MIPOL1: variants seen among roughly 807,000 people sequenced by gnomAD.
The protein encoded by MIPOL1 is mirror-image polydactyly 1.
Under a neutral mutation model 60.9 loss-of-function variants are expected in MIPOL1, and 57 were observed. The observed-to-expected ratio is 0.94, with a 90% CI of 0.76 to 1.17. The LOEUF is 1.17. Ranked by LOEUF, MIPOL1 falls within the 50% of genes most tolerant of loss-of-function variation. MIPOL1 has a pLI of 0.00. For synonymous variants in MIPOL1, 179 were observed against 168.8 expected, an observed-to-expected ratio of 1.06 and a Z score of -0.47; for missense variants, 551 against 511.6, an observed-to-expected ratio of 1.08 and a Z score of -0.74.
intron 9 of MIPOL1, among the ~76,000 whole-genome samples, chr14:37,333,840 G>A (rs757284490): frequency 2.6e-5 from 4 of 151,976 alleles, no homozygotes; most frequent in East Asian, 1.9e-4. Flanking sequence ...ATTCATTACC[G>A]TTAGAGAAGG....
At chr14:37,501,866 T>C (rs2095220742) in intron 12 of MIPOL1, 3 of 152,246 alleles carry the variant, frequency 2.0e-5, no homozygotes, top group Admixed American at 6.5e-5. Context: ...TGACAGACTG[T>C]ACCTGGAAAA....
intron 1 of MIPOL1, among the ~76,000 whole-genome samples, chr14:37,206,556 A>G (rs960313757): frequency 2.0e-5 from 3 of 152,174 alleles, no homozygotes; most frequent in Non-Finnish European, 4.4e-5. Flanking sequence ...TGGAACTGTG[A>G]GAAGGGGGCC....
chr14:37,444,174 T>G (rs891737286), intron 11 of MIPOL1, among the ~76,000 whole-genome samples: 1 of 152,184 alleles, frequency 6.6e-6, no homozygotes, highest in African/African-American at 2.4e-5. Flanking sequence ...TTCCTAAGGA[T>G]TCTTTAAAAG....
At chr14:37,437,625 A>G (rs778032980) in intron 11 of MIPOL1, among the ~76,000 whole-genome samples, 1 of 152,158 alleles carries the variant, frequency 6.6e-6, no homozygotes, top group Non-Finnish European at 1.5e-5. Context: ...ATTCAGAGCT[A>G]ACACCACAGT....
chr14:37,242,561 G>T (rs967169210), intron 1 of MIPOL1, among the ~76,000 whole-genome samples: 1 of 152,050 alleles, frequency 6.6e-6, no homozygotes, highest in African/African-American at 2.4e-5. Context: ...TTTTCCATAT[G>T]GTTGAGCCAC....
intron 12 of MIPOL1, among the ~76,000 whole-genome samples, chr14:37,544,399 A>C (rs1221291260): frequency 6.6e-6 from 1 of 152,194 alleles, no homozygotes; most frequent in African/African-American, 2.4e-5. Context: ...CAGTTTCTTC[A>C]TATTTAAAAT....
intron 6 of MIPOL1, among the ~76,000 whole-genome samples, chr14:37,274,909 A>G (rs951721667): frequency 1.3e-5 from 2 of 151,274 alleles, no homozygotes; most frequent in Non-Finnish European, 3.0e-5. Flanking sequence ...TGGTTATGTA[A>G]ATTACTATCC....
chr14:37,322,261 C>T (rs2088657465), intron 9 of MIPOL1, among the ~76,000 whole-genome samples: 1 of 151,964 alleles, frequency 6.6e-6, no homozygotes, highest in Non-Finnish European at 1.5e-5. Flanking sequence ...CAAGTGCATA[C>T]AACTGTATAG....
At chr14:37,484,894 T>A (rs1005395755) in intron 11 of MIPOL1, among the ~76,000 whole-genome samples, 1 of 152,208 alleles carries the variant, frequency 6.6e-6, no homozygotes, top group East Asian at 1.9e-4. Flanking sequence ...GTGCAGAATG[T>A]GCAGTTTTGT....
At chr14:37,372,874 G>A (rs201676166) in intron 10 of MIPOL1, among the ~76,000 whole-genome samples, 2 of 150,676 alleles carry the variant, frequency 1.3e-5, no homozygotes, top group South Asian at 2.1e-4. Context: ...GAATTATACT[G>A]ATACTAGTAT....
intron 9 of MIPOL1, among the ~76,000 whole-genome samples, chr14:37,317,574 G>C (rs116377372): frequency 0.027 from 4,164 of 152,206 alleles, 214 homozygotes; most frequent in African/African-American, 0.095. Flanking sequence ...TATGTAAAGA[G>C]GAAGAGGAGT....
chr14:37,443,205 T>C (rs949749932), intron 11 of MIPOL1, among the ~76,000 whole-genome samples: 11 of 151,848 alleles, frequency 7.2e-5, no homozygotes, highest in African/African-American at 2.7e-4. Context: ...CAGTGCAATA[T>C]CCATTAAAGA....
rs371852948 is a variant in MIPOL1 at position 37,546,947 on chromosome 14, C to G, written c.1305C>G (p.Thr435=). The G allele has an allele frequency of 1.2e-6, 2 of 1,600,482 alleles. No homozygotes were observed. The highest frequency in any genetic ancestry group is 2.3e-5 in the East Asian group (1 of 43,656). The change falls in exon 13 of 13, where the codon ACC becomes ACG. Residue 435 remains threonine (T), a synonymous_variant. Coordinates refer to ENST00000684589, the MANE Select transcript of MIPOL1 (RefSeq NM_001388067.1). ...ATGTACTGAGGAAGAAGGTTGGAAC[C>G]GGGACCATGAGGACAGTGATCTGAT... is the stretch of plus-strand genomic sequence containing the variant. ...LVDVLRKKVG[T]GTMRTVI
chr14:37,426,377 G>A (rs1418304102), intron 11 of MIPOL1, among the ~76,000 whole-genome samples: 1 of 151,260 alleles, frequency 6.6e-6, no homozygotes, highest in Non-Finnish European at 1.5e-5. Context: ...AGACCACCCT[G>A]GCCAACATGA....
At position 37,355,162 on chromosome 14, in the gene MIPOL1, A is replaced by G. The variant is rs908160117; in HGVS notation, c.829-14355A>G. ...AAAGTATTTTATTTCTCCTTAGCTT[A>G]TGAAGCTTAGTTTGGCTGGATATGA... On this transcript the variant is annotated intron_variant, in intron 9 of 12. Transcript: ENST00000684589. Among the ~76,000 whole-genome samples the G allele has an allele frequency of 7.3e-5, 11 of 149,904 alleles. No homozygotes were observed. The South Asian group carries it at 1.7e-3, about 24-fold the overall frequency.
Position 37,431,518 on chromosome 14 carries a change from T to C in MIPOL1, c.1031+8569T>C, listed in dbSNP as rs79950111. On this transcript the variant is annotated intron_variant, in intron 11 of 12. Coordinates refer to ENST00000684589, the MANE Select transcript of MIPOL1 (RefSeq NM_001388067.1). ...ATTACATATATAATAAAGTCCGAACTCTTTAATGTAACGTTCATGAACTTC... is the reference window on the plus strand; with the variant it reads ...ATTACATATATAATAAAGTCCGAACCCTTTAATGTAACGTTCATGAACTTC... Among the ~76,000 whole-genome samples, 675 of 150,916 alleles carry C rather than the reference T, an allele frequency of 4.5e-3. 4 individuals are homozygous for C. The highest frequency in any genetic ancestry group is 0.015 in the African/African-American group (601 of 41,280).
At chr14:37,305,689 T>C (rs758149405) in intron 7 of MIPOL1, among the ~76,000 whole-genome samples, 3 of 151,940 alleles carry the variant, frequency 2.0e-5, no homozygotes, top group Non-Finnish European at 4.4e-5. Context: ...TTTTTCTCTT[T>C]CCAGACTCAT....
chr14:37,518,593 C>T (rs1312157322), intron 12 of MIPOL1, among the ~76,000 whole-genome samples: 1 of 152,008 alleles, frequency 6.6e-6, no homozygotes, highest in Admixed American at 6.6e-5. Context: ...CCTTGGCCTC[C>T]AAAAATGCTG....
chr14:37,476,724 T>C (rs551413038), intron 11 of MIPOL1, among the ~76,000 whole-genome samples: 1 of 152,200 alleles, frequency 6.6e-6, no homozygotes, highest in South Asian at 2.1e-4. Context: ...TGTGATGGAG[T>C]ACATTAATTG....
Sources: gnomAD v4.1 joint callset for allele counts (sites outside exome capture counted in the v4.1 genomes callset) on GRCh38, gnomAD v4.1.1 for gene constraint, MANE v1.5 for transcripts, NCBI Gene and HGNC (gene_info 2026-07-23, HGNC 2026-07-21) for gene names.